The following MED13L variants were observed in gnomAD, a reference collection of about 807,000 sequenced individuals.
MED13L encodes mediator complex subunit 13L.
MED13L carries 7 observed loss-of-function variants against 220.9 expected under a neutral mutation model. The ratio of observed to expected loss-of-function variants is 0.03; its 90% CI spans 0.02 to 0.06. The LOEUF (loss-of-function observed/expected upper bound fraction) is 0.06. Ranked by LOEUF, MED13L falls within the 10% of genes least tolerant of loss-of-function variation. The pLI is 1.00. For synonymous variants in MED13L, 1,011 were observed against 1,015.2 expected (o/e 1.00, Z 0.08); for missense variants, 1,965 against 2,760.5 (o/e 0.71, Z 6.46).
chr12:116,148,610 T>G (rs1466784122), intron 2 of MED13L: 3 of 23,212 alleles, frequency 1.3e-4, no homozygotes, highest in Non-Finnish European at 2.1e-4. Flanking sequence ...TGGAGATATC[T>G]ATATATATAT....
At chr12:116,187,712 A>C (rs1415061571) in intron 2 of MED13L, among the ~76,000 whole-genome samples, 1 of 152,150 alleles carries the variant, frequency 6.6e-6, no homozygotes, top group Admixed American at 6.5e-5. Flanking sequence ...TTAAATCTGG[A>C]ATCTGTACTG....
rs1566020980 is a variant in MED13L, at chr12:116,031,767, G to GAAAA, written c.480-9167_480-9166insTTTT. Among the ~76,000 whole-genome samples, 34 of 129,276 alleles carry GAAAA rather than the reference G, an allele frequency of 2.6e-4. 1 individual carries two copies. Among genetic ancestry groups the GAAAA allele is most frequent in the African/African-American group, 6.3e-4 (22 of 35,000 alleles). The allele number at this position is 129,276 out of a possible 152,430, so 84.8% of individuals were successfully genotyped here. A position where few individuals can be genotyped will look rare whatever the true frequency, so the allele number is the denominator to read the frequency against. On this transcript the variant is annotated intron_variant, in intron 4 of 30. Transcript: ENST00000281928. Reference sequence around the variant, plus strand: ...AAAGAAAAGAAAAGAAAAGAAGGAAGGAAGGAAGGAAGGAAGGAAGGAAGG... The same window carrying GAAAA: ...AAAGAAAAGAAAAGAAAAGAAGGAAGAAAAGAAGGAAGGAAGGAAGGAAGGAAGG...
At chr12:116,084,900 T>TA (rs1871514802) in intron 4 of MED13L, among the ~76,000 whole-genome samples, 1 of 152,176 alleles carries the variant, frequency 6.6e-6, no homozygotes, top group Non-Finnish European at 1.5e-5. Flanking sequence ...CTTTTAGTGA[T>TA]AAGTACCTCC....
intron 1 of MED13L, among the ~76,000 whole-genome samples, chr12:116,273,176 T>G (rs1308848056): frequency 6.6e-6 from 1 of 152,076 alleles, no homozygotes; most frequent in African/African-American, 2.4e-5. Context: ...TGGTGGCACA[T>G]GCCTGTAATC....
chr12:116,022,906 AAT>A (rs1348483057), intron 4 of MED13L, among the ~76,000 whole-genome samples: 1 of 152,234 alleles, frequency 6.6e-6, no homozygotes, highest in Non-Finnish European at 1.5e-5. Flanking sequence ...AAGGAATTGG[AAT>A]AGTTTTCTAT....
intron 1 of MED13L, among the ~76,000 whole-genome samples, chr12:116,262,420 T>C (rs1872579299): frequency 6.6e-6 from 1 of 152,210 alleles, no homozygotes; most frequent in Non-Finnish European, 1.5e-5. Flanking sequence ...GGTGTTAACA[T>C]ATATAACTAA....
intron 2 of MED13L, chr12:116,236,711 A>T: frequency 2.9e-6 from 1 of 347,336 alleles, no homozygotes; most frequent in Non-Finnish European, 4.0e-6. Context: ...AGAAACACTT[A>T]GATAAAAAGG....
At chr12:116,164,693 C>T (rs998277494) in intron 2 of MED13L, among the ~76,000 whole-genome samples, 29 of 152,286 alleles carry the variant, frequency 1.9e-4, no homozygotes, top group African/African-American at 6.7e-4. Flanking sequence ...CACGACATCA[C>T]AGACTGGTGA....
chr12:116,143,354 A>C (rs1165777024), intron 2 of MED13L, among the ~76,000 whole-genome samples: 3 of 151,750 alleles, frequency 2.0e-5, no homozygotes, highest in Non-Finnish European at 4.4e-5. Flanking sequence ...AAAGAGGGAA[A>C]GTGAGAAAAA....
chr12:115,980,454 G>T, intron 23 of MED13L: 1 of 384,842 alleles, frequency 2.6e-6, no homozygotes. Context: ...CTCCCAAACA[G>T]CCAGGACTAC....
At chr12:115,990,947 AG>A in intron 17 of MED13L, 72 bp downstream of exon 17, 2 of 1,519,656 alleles carry the variant, frequency 1.3e-6, no homozygotes, top group Non-Finnish European at 1.8e-6. Flanking sequence ...TGTCAAATAC[AG>A]TAAAGAAAGC....
intron 2 of MED13L, among the ~76,000 whole-genome samples, chr12:116,190,889 CGAGACCAGCCT>C (rs956207032): frequency 6.6e-6 from 1 of 151,882 alleles, no homozygotes; most frequent in Non-Finnish European, 1.5e-5. Context: ...GTCAGAAGTT[CGAGACCAGCCT>C]GAGCAATATG....
intron 4 of MED13L, among the ~76,000 whole-genome samples, chr12:116,035,971 T>C (rs923375208): frequency 1.2e-4 from 19 of 152,176 alleles, no homozygotes; most frequent in Non-Finnish European, 2.2e-4. Flanking sequence ...AATGCCTCCA[T>C]TGCCCAATTT....
intron 9 of MED13L, among the ~76,000 whole-genome samples, chr12:116,012,586 G>T (rs1051645345): frequency 6.6e-6 from 1 of 152,074 alleles, no homozygotes; most frequent in African/African-American, 2.4e-5. Flanking sequence ...AAAGTTGTGG[G>T]AGCAATATGT....
chr12:116,155,255 C>G (rs1878344423), intron 2 of MED13L, among the ~76,000 whole-genome samples: 1 of 152,108 alleles, frequency 6.6e-6, no homozygotes, highest in Non-Finnish European at 1.5e-5. Flanking sequence ...GAAACCGTCT[C>G]TACAAAAAAT....
At chr12:116,060,749 C>A (rs1869403479) in intron 4 of MED13L, among the ~76,000 whole-genome samples, 1 of 151,838 alleles carries the variant, frequency 6.6e-6, no homozygotes, top group Non-Finnish European at 1.5e-5. Context: ...GTATGTATGC[C>A]AATTGTTAGA....
At chr12:116,056,428 C>A (rs908626732) in intron 4 of MED13L, among the ~76,000 whole-genome samples, 2 of 151,980 alleles carry the variant, frequency 1.3e-5, no homozygotes, top group Non-Finnish European at 2.9e-5. Context: ...AGAGTTTTGT[C>A]ATGTTGCCCA....
chr12:116,007,138 T>C (rs1404153106), intron 11 of MED13L: 2 of 471,532 alleles, frequency 4.2e-6, no homozygotes, highest in African/African-American at 2.0e-5. Context: ...CAACAAGAAT[T>C]AGCATATGAG....
intron 2 of MED13L, among the ~76,000 whole-genome samples, chr12:116,119,408 C>G (rs1029542996): frequency 6.6e-6 from 1 of 152,190 alleles, no homozygotes; most frequent in South Asian, 2.1e-4. Context: ...CTCATTGAAC[C>G]AGTTCTGTAG....
Sources: allele counts gnomAD v4.1 joint callset (sites outside exome capture counted in the v4.1 genomes callset), GRCh38; gene constraint gnomAD v4.1.1; transcripts MANE v1.5; gene names NCBI Gene and HGNC (gene_info 2026-07-23, HGNC 2026-07-21).